Variants in EYS observed in about 807,000 individuals in gnomAD.
EYS encodes the protein protein eyes shut homolog.
Under a neutral mutation model 282.1 loss-of-function variants are expected in EYS, and 250 were observed. The ratio of observed to expected loss-of-function variants is 0.89; its 90% CI spans 0.80 to 0.98. EYS has a LOEUF of 0.98. Ranked by LOEUF, EYS falls within the 50% of genes least tolerant of loss-of-function variation. EYS has a pLI of 0.00. For missense variants in EYS, 4,016 were observed against 3,709.0 expected, an observed-to-expected ratio of 1.08 and a Z score of -2.15; for synonymous variants, 1,355 against 1,282.9, an observed-to-expected ratio of 1.06 and a Z score of -1.20.
At chr6:64,505,445 C>T (rs1415144406) in intron 26 of EYS, among the ~76,000 whole-genome samples, 1 of 152,156 alleles carries the variant, frequency 6.6e-6, no homozygotes, top group African/African-American at 2.4e-5. Flanking sequence ...TATTTCAGGC[C>T]TATTCACATG....
chr6:64,609,294 T>C (rs201500102), intron 24 of EYS, among the ~76,000 whole-genome samples: 5 of 152,152 alleles, frequency 3.3e-5, no homozygotes, highest in Non-Finnish European at 7.4e-5. Context: ...GAGGGACATA[T>C]GCTAAAACCT....
At chr6:64,228,043 G>A (rs1393097563) in intron 31 of EYS, among the ~76,000 whole-genome samples, 1 of 152,018 alleles carries the variant, frequency 6.6e-6, no homozygotes, top group Non-Finnish European at 1.5e-5. Context: ...GCCAACCTGA[G>A]TCATGCTATA....
chr6:63,968,215 G>A (rs1766395126), intron 35 of EYS, among the ~76,000 whole-genome samples: 2 of 152,116 alleles, frequency 1.3e-5, no homozygotes, highest in African/African-American at 4.8e-5. Context: ...AATATTCTGT[G>A]AAAAAGACTA....
chr6:64,715,196 C>A (rs1337723954), intron 22 of EYS, among the ~76,000 whole-genome samples: 1 of 152,070 alleles, frequency 6.6e-6, no homozygotes, highest in East Asian at 1.9e-4. Flanking sequence ...ATAGAACTCA[C>A]TATAATGTAG....
At chr6:64,926,991 G>T (rs922260428) in intron 15 of EYS, among the ~76,000 whole-genome samples, 6 of 152,160 alleles carry the variant, frequency 3.9e-5, no homozygotes, top group African/African-American at 1.4e-4. Context: ...AGTCAAAGAA[G>T]AATTTTATAG....
chr6:65,200,740 T>G (rs989715448), intron 12 of EYS, among the ~76,000 whole-genome samples: 1 of 148,050 alleles, frequency 6.8e-6, no homozygotes, highest in African/African-American at 2.6e-5. Context: ...CTTTCATATT[T>G]CTCGAAATTC....
chr6:64,116,223 C>T (rs1376164947), intron 31 of EYS, among the ~76,000 whole-genome samples: 2 of 151,944 alleles, frequency 1.3e-5, no homozygotes, highest in Non-Finnish European at 2.9e-5. Flanking sequence ...AAAAGTCTCT[C>T]AAGTCAAAAA....
At chr6:64,389,255 C>G (rs1376331861) in intron 28 of EYS, among the ~76,000 whole-genome samples, 2 of 152,088 alleles carry the variant, frequency 1.3e-5, no homozygotes, top group African/African-American at 2.4e-5. Flanking sequence ...AGATATATTG[C>G]AGACAGTAAT....
At chr6:64,367,571 T>A (rs1177508933) in intron 29 of EYS, among the ~76,000 whole-genome samples, 2 of 150,644 alleles carry the variant, frequency 1.3e-5, no homozygotes, top group Non-Finnish European at 3.0e-5. Context: ...GCAAAGTTTC[T>A]AAAATAGGAA....
At chr6:65,071,808 T>G (rs1446748175) in intron 12 of EYS, among the ~76,000 whole-genome samples, 1 of 151,820 alleles carries the variant, frequency 6.6e-6, no homozygotes, top group Non-Finnish European at 1.5e-5. Context: ...TATTGTAAAC[T>G]TAATCCCCAG....
At chr6:64,303,042 CAA>C (rs1344676788) in intron 30 of EYS, among the ~76,000 whole-genome samples, 1 of 152,144 alleles carries the variant, frequency 6.6e-6, no homozygotes, top group Non-Finnish European at 1.5e-5. Context: ...AAAGACAACT[CAA>C]GAGGCTGAAC....
chr6:65,207,361 G>GA (rs67058673), intron 12 of EYS, among the ~76,000 whole-genome samples: 28,693 of 147,338 alleles, frequency 0.19, 2,830 homozygotes, highest in Middle Eastern at 0.21. Context: ...AGACACTGAT[G>GA]AAAAAAAAAA....
chr6:64,913,622 G>A (rs1185093489), intron 15 of EYS, among the ~76,000 whole-genome samples: 2 of 152,110 alleles, frequency 1.3e-5, no homozygotes, highest in Non-Finnish European at 2.9e-5. Flanking sequence ...ATTCCACAGT[G>A]TATATGCATC....
chr6:64,941,704 T>C (rs988792727), intron 15 of EYS, among the ~76,000 whole-genome samples: 2 of 152,100 alleles, frequency 1.3e-5, no homozygotes, highest in African/African-American at 4.8e-5. Flanking sequence ...AGTGAGAACA[T>C]ATGATATTTG....
At chr6:64,383,592 T>C (rs1772818576) in intron 29 of EYS, among the ~76,000 whole-genome samples, 1 of 152,236 alleles carries the variant, frequency 6.6e-6, no homozygotes, top group Admixed American at 6.5e-5. Flanking sequence ...CCTTGATGTC[T>C]CTATTACTTT....
At chr6:63,975,677 G>C (rs2149786678) in intron 35 of EYS, among the ~76,000 whole-genome samples, 1 of 152,112 alleles carries the variant, frequency 6.6e-6, no homozygotes, top group Non-Finnish European at 1.5e-5. Context: ...AATGCAAAAA[G>C]TGTCTGGTGT....
At position 64,796,366 on chromosome 6, in the gene EYS, C is replaced by G. The variant is rs538047723; in HGVS notation, c.3443+17012G>C. On this transcript the variant is annotated intron_variant, in intron 22 of 42. Coordinates refer to ENST00000503581, the MANE Select transcript of EYS (RefSeq NM_001142800.2). ...GAGAAACAGCTGACCAGTTGCTTTT[C>G]TACTACTACTTCCAGGAAGAAAAGA... Among the ~76,000 whole-genome samples, 8 of 152,146 alleles carry G rather than the reference C, an allele frequency of 5.3e-5. No homozygotes were observed. In the East Asian group the frequency reaches 1.2e-3, roughly 22 times the overall value.
intron 36 of EYS, among the ~76,000 whole-genome samples, chr6:63,840,909 A>G (rs1192437264): frequency 6.6e-6 from 1 of 152,134 alleles, no homozygotes; most frequent in Non-Finnish European, 1.5e-5. Context: ...GTCTGTTTAT[A>G]TGCTAGTACC....
At chr6:64,156,038 GTGTT>G (rs1307234737) in intron 31 of EYS, among the ~76,000 whole-genome samples, 87 of 149,430 alleles carry the variant, frequency 5.8e-4, no homozygotes, top group Non-Finnish European at 9.6e-4. Context: ...GTGTGTGTGT[GTGTT>G]TGTGTGTGTG....
Sources: allele counts gnomAD v4.1 joint callset (sites outside exome capture counted in the v4.1 genomes callset), GRCh38; gene constraint gnomAD v4.1.1; transcripts MANE v1.5; gene names NCBI Gene and HGNC (gene_info 2026-07-23, HGNC 2026-07-21).